WDPCP: variants seen among roughly 807,000 people sequenced by gnomAD.
WDPCP encodes WD repeat-containing and planar cell polarity effector protein fritz homolog.
A neutral mutation model predicts 93.1 loss-of-function variants in WDPCP; 71 were observed. That is an observed-to-expected ratio of 0.76 (90% CI 0.63 to 0.93). WDPCP has a LOEUF of 0.93. Among genes scored for constraint, WDPCP ranks in the 40% least tolerant of loss-of-function variants. The pLI, the probability that WDPCP is intolerant of heterozygous loss-of-function variation, is 0.00. For synonymous variants in WDPCP, 315 were observed against 315.0 expected, an observed-to-expected ratio of 1.00 and a Z score of 0.00; for missense variants, 844 against 887.4, an observed-to-expected ratio of 0.95 and a Z score of 0.62.
Position 63,378,394 on chromosome 2 carries a change from G to C in WDPCP, c.1740C>G (p.His580Gln), listed in dbSNP as rs1575273476. The stretch of plus-strand genomic sequence containing the variant: ...CCAAACATATCATTCACCTGAGCAA[G>C]TGATGGAAGAATCTCCTTGCATATT... ...ISKYARRFFH[H>Q]LLRYQRFEKA... The change falls in exon 12 of 18, where the codon CAC (histidine) becomes CAG (glutamine). Residue 580 changes from histidine (H) to glutamine (Q), a missense_variant. Coordinates refer to ENST00000272321, the MANE Select transcript of WDPCP (RefSeq NM_015910.7). The C allele has an allele frequency of 1.9e-6, 3 of 1,612,990 alleles. No individual in the cohort carries two copies. The highest frequency in any genetic ancestry group is 2.5e-6 in the Non-Finnish European group (3 of 1,179,296).
rs561719006 is a variant in WDPCP, at chr2:63,801,293, G to A, written n.308+12329C>T. ...TCACCCATGTGAGCCCCTCCATAGT[G>A]CTCCTTTAGTGTCTCATGATGTGTC... On this transcript the variant is annotated intron_variant and non_coding_transcript_variant, in intron 2 of 4. Transcript: ENST00000467687. Among the ~76,000 whole-genome samples, 3 of 152,260 alleles carry A rather than the reference G, an allele frequency of 2.0e-5. No individual in the cohort carries two copies. In the East Asian group the frequency reaches 5.8e-4, roughly 29 times the overall value.
rs1373169446 is a variant in WDPCP at position 63,709,086 on chromosome 2, ACCCGGGCTTGGTGATGTATGCCTGT to A, written n.309-58273_309-58249del. 2.8e-4 allele frequency among the ~76,000 whole-genome samples: 27 copies of A among 97,178 alleles called. 4 individuals carry two copies. Among genetic ancestry groups the A allele is most frequent in the Admixed American group, 4.7e-4 (5 of 10,604 alleles). The allele number at this position is 97,178 out of a possible 152,430, so 63.8% of individuals were successfully genotyped here. On this transcript the variant is annotated intron_variant and non_coding_transcript_variant, in intron 2 of 4. Coordinates refer to the WDPCP transcript ENST00000467687. ...AAAAAAAAAAAAAAAAAAAAAAATG[ACCCGGGCTTGGTGATGTATGCCTGT>A]AATCCCAGATACTAGGTAGGCTGAG...
chr2:63,203,983 G>C (rs1001379006), intron 14 of WDPCP, among the ~76,000 whole-genome samples: 7 of 152,076 alleles, frequency 4.6e-5, no homozygotes, highest in African/African-American at 1.7e-4. Context: ...CCAAGTCTTG[G>C]CTCCTGTGAA....
intron 6 of WDPCP, among the ~76,000 whole-genome samples, chr2:63,458,276 C>T (rs1263360490): frequency 1.4e-5 from 2 of 147,436 alleles, no homozygotes; most frequent in Non-Finnish European, 3.0e-5. Context: ...AACAGAATTT[C>T]AAACTGTCCC....
At chr2:63,298,910 T>C (rs1388078119) in intron 13 of WDPCP, among the ~76,000 whole-genome samples, 1 of 152,184 alleles carries the variant, frequency 6.6e-6, no homozygotes, top group African/African-American at 2.4e-5. Flanking sequence ...TTTCACTATG[T>C]CCCAAAAGGT....
intron 1 of WDPCP, among the ~76,000 whole-genome samples, chr2:63,561,820 A>C (rs552539285): frequency 6.6e-6 from 1 of 152,360 alleles, no homozygotes; most frequent in East Asian, 1.9e-4. Context: ...CCACAATGAG[A>C]TACCATCTCT....
At chr2:63,810,015 G>C (rs558572332) in intron 2 of WDPCP, among the ~76,000 whole-genome samples, 8 of 152,072 alleles carry the variant, frequency 5.3e-5, no homozygotes, top group Non-Finnish European at 1.2e-4. Flanking sequence ...TATTTAGACT[G>C]TAGTCAGAAT....
intron 1 of WDPCP, among the ~76,000 whole-genome samples, chr2:63,573,524 C>G (rs868043216): frequency 6.6e-6 from 1 of 152,128 alleles, no homozygotes; most frequent in Non-Finnish European, 1.5e-5. Context: ...ATTTCCTATG[C>G]CCGTTTTTAC....
chr2:63,313,886 A>ATATGTGTGTGTGTATATATATATATTT, intron 12 of WDPCP, among the ~76,000 whole-genome samples: 2 of 74,472 alleles, frequency 2.7e-5, no homozygotes, highest in Middle Eastern at 6.6e-3. Context: ...ATATATATAT[A>ATATGTGTGTGTGTATATATATATATTT]TTTTTTTTTT....
chr2:63,293,714 G>C (rs976201428), intron 13 of WDPCP, among the ~76,000 whole-genome samples: 5 of 152,156 alleles, frequency 3.3e-5, no homozygotes, highest in Non-Finnish European at 7.3e-5. Context: ...AAATTCTGGA[G>C]CTGGAAAATA....
At chr2:63,245,603 A>G (rs1392713857) in intron 14 of WDPCP, among the ~76,000 whole-genome samples, 1 of 152,194 alleles carries the variant, frequency 6.6e-6, no homozygotes, top group Non-Finnish European at 1.5e-5. Flanking sequence ...GATTTTGATC[A>G]TGTATTGAGT....
intron 2 of WDPCP, among the ~76,000 whole-genome samples, chr2:63,766,177 C>T (rs1007085700): frequency 6.6e-6 from 1 of 152,218 alleles, no homozygotes; most frequent in Non-Finnish European, 1.5e-5. Flanking sequence ...GATTAGCATT[C>T]TTTGCTTGCA....
At chr2:63,728,308 C>T (rs1669518229) in intron 2 of WDPCP, among the ~76,000 whole-genome samples, 1 of 152,176 alleles carries the variant, frequency 6.6e-6, no homozygotes. Flanking sequence ...AGCTGTATGG[C>T]TCCTATTCAA....
At chr2:63,427,590 G>C (rs2138791) in intron 9 of WDPCP, among the ~76,000 whole-genome samples, 58,523 of 151,928 alleles carry the variant, frequency 0.39, 11,606 homozygotes, top group Non-Finnish European at 0.42. Flanking sequence ...GGAATGTTAA[G>C]AGGAAAATTT....
At chr2:63,377,404 A>G (rs986241244) in intron 12 of WDPCP, among the ~76,000 whole-genome samples, 1 of 151,630 alleles carries the variant, frequency 6.6e-6, no homozygotes, top group African/African-American at 2.4e-5. Context: ...TTTCCATTGT[A>G]TAACATGTCA....
intron 6 of WDPCP, among the ~76,000 whole-genome samples, chr2:63,460,174 A>AT (rs1698910586): frequency 6.6e-6 from 1 of 152,186 alleles, no homozygotes; most frequent in Non-Finnish European, 1.5e-5. Context: ...GAAATCATGC[A>AT]TTTTGTAGCA....
At chr2:63,508,032 T>C (rs1032262262) in intron 1 of WDPCP, among the ~76,000 whole-genome samples, 1 of 152,054 alleles carries the variant, frequency 6.6e-6, no homozygotes, top group Non-Finnish European at 1.5e-5. Flanking sequence ...TCCAGGAGAA[T>C]TTCCCTAACC....
At chr2:63,200,681 G>A (rs139503072) in intron 14 of WDPCP, among the ~76,000 whole-genome samples, 154 of 152,200 alleles carry the variant, frequency 1.0e-3, no homozygotes, top group African/African-American at 3.6e-3. Context: ...GGAAAGGGTA[G>A]TGGGGGAGAG....
At chr2:63,641,793 C>T (rs766464479) in intron 3 of WDPCP, among the ~76,000 whole-genome samples, 4 of 152,088 alleles carry the variant, frequency 2.6e-5, no homozygotes, top group Non-Finnish European at 5.9e-5. Context: ...GTCTTTTTAA[C>T]TTCATGTGAT....
Sources: allele counts gnomAD v4.1 joint callset (sites outside exome capture counted in the v4.1 genomes callset), GRCh38; gene constraint gnomAD v4.1.1; transcripts MANE v1.5; gene names NCBI Gene and HGNC (gene_info 2026-07-23, HGNC 2026-07-21).